Variants in ARID1B observed in about 807,000 individuals in gnomAD.
ARID1B encodes AT-rich interaction domain 1B.
Under a neutral mutation model 212.3 loss-of-function variants are expected in ARID1B, and 30 were observed. That is an observed-to-expected ratio of 0.14 (90% confidence interval 0.11 to 0.19). ARID1B has a LOEUF of 0.19. ARID1B is among the 10% of genes least tolerant of loss of function. The pLI, the probability that ARID1B is intolerant of heterozygous loss-of-function variation, is 1.00. For missense variants in ARID1B, 2,891 were observed against 3,204.0 expected (o/e 0.90, Z 2.36); for synonymous variants, 1,402 against 1,301.7 (o/e 1.08, Z -1.66).
chr6:157,202,953 G>C (rs558202238), intron 18 of ARID1B, among the ~76,000 whole-genome samples: 1 of 152,130 alleles, frequency 6.6e-6, no homozygotes, highest in South Asian at 2.1e-4. Flanking sequence ...CCCAGTGCGG[G>C]TTATATAGCA....
intron 7 of ARID1B, among the ~76,000 whole-genome samples, chr6:157,143,099 A>C (rs897055057): frequency 6.6e-6 from 1 of 152,156 alleles, no homozygotes; most frequent in African/African-American, 2.4e-5. Context: ...TGGTGCTTGA[A>C]TGGAACTCCT....
chr6:157,173,864 C>A (rs1377284594), intron 9 of ARID1B, 144 bp from the exon 10 acceptor site: 3 of 617,922 alleles, frequency 4.9e-6, no homozygotes, highest in Non-Finnish European at 8.2e-6. Flanking sequence ...AATTAATATG[C>A]TCCCCATTAC....
chr6:157,083,356 G>A (rs6902167), intron 4 of ARID1B, among the ~76,000 whole-genome samples: 126,936 of 152,190 alleles, frequency 0.83, 53,031 homozygotes, highest in Middle Eastern at 0.92. Flanking sequence ...TTGAGAACTC[G>A]TTGGCACATT....
chr6:157,019,311 G>C (rs967696782), intron 4 of ARID1B, among the ~76,000 whole-genome samples: 7 of 152,142 alleles, frequency 4.6e-5, no homozygotes, highest in African/African-American at 1.7e-4. Context: ...GGGAATGGAG[G>C]CTAGTCTGTA....
rs1473297502 is a variant in ARID1B, at chr6:156,777,745, G to T, written c.65G>T (p.Ser22Ile). The T allele has an allele frequency of 5.5e-5, 20 of 366,424 alleles. No homozygotes were observed. The highest frequency in any genetic ancestry group is 7.4e-5 in the Non-Finnish European group (20 of 269,072). 22.7% of individuals were successfully genotyped at this position (366,424 alleles called of 1,614,324 possible). A position where few individuals can be genotyped will look rare whatever the true frequency, so the allele number is the denominator to read the frequency against. The change falls in exon 1 of 20, where the codon AGC becomes ATC. Residue 22 changes from serine to isoleucine, a missense_variant. This residue lies in a region of ARID1B where 1,643 missense variants were observed against 1,544.0 expected (regional missense o/e 1.06). Transcript: ENST00000636930. ...GCGCGGGCGCGGGCGCGGGCAGGCA[G>T]CGGCGAACGGCGGGCGCCCCCCGGG... ...AAARARARAG[S>I]GERRAPPGPR... is the part of the protein sequence containing the mutation.
rs1472058222 is a variant in ARID1B, at chr6:156,779,452, C to A, written c.1772C>A (p.Pro591Gln). ...GCGATGAGCCCCGGCACCCCCGGAC[C>A]GACCATGGGCAGATCCCAGGTAACC... is the stretch of plus-strand genomic sequence containing the variant. ...HPAMSPGTPG[P>Q]TMGRSQGSPM... Residue 591 changes from proline to glutamine, a missense_variant, in exon 1 of 20, where the codon CCG becomes CAG. Pro to Gln is a moderately conservative substitution (Grantham distance 76). Coordinates refer to ENST00000636930, the MANE Select transcript of ARID1B (RefSeq NM_001374828.1). 26 of 1,431,036 alleles carry A rather than the reference C, an allele frequency of 1.8e-5. No homozygotes were observed. The highest frequency in any genetic ancestry group is 2.3e-5 in the Non-Finnish European group (25 of 1,086,486). The allele number at this position is 1,431,036 out of a possible 1,614,324, so 88.6% of individuals were successfully genotyped here. A position where few individuals can be genotyped will look rare whatever the true frequency, so the allele number is the denominator to read the frequency against.
Position 156,778,894 on chromosome 6 carries a change from GAGGAGGAGGAGGAGGAGGAGCAGGAGC to G in ARID1B, c.1223_1249del (p.Gly408_Gly416del). ...GGCGGAGGAGGAGGAGGCAGCGGAGGAGGAGGAGGAGGAGGAGGAGCAGGAGCAGGAGGAGCAGGAGCGGGAGCTGTG... is the reference window on the plus strand; with the variant it reads ...GGCGGAGGAGGAGGAGGCAGCGGAGGAGGAGGAGCAGGAGCGGGAGCTGTG... On this transcript the variant is annotated inframe_deletion, in exon 1 of 20. Transcript: ENST00000636930. The G allele has an allele frequency of 7.4e-7, 1 of 1,357,402 alleles. No individual in the cohort carries two copies. The highest frequency in any genetic ancestry group is 9.5e-7 in the Non-Finnish European group (1 of 1,056,196). The allele number at this position is 1,357,402 out of a possible 1,614,324, so 84.1% of individuals were successfully genotyped here.
At chr6:156,877,082 T>C (rs1786623790) in intron 2 of ARID1B, among the ~76,000 whole-genome samples, 1 of 150,312 alleles carries the variant, frequency 6.7e-6, no homozygotes, top group Non-Finnish European at 1.5e-5. Flanking sequence ...CAATATACTC[T>C]CAAAGGTTCT....
intron 4 of ARID1B, 79 bp downstream of exon 4, chr6:156,935,655 C>A: frequency 7.9e-7 from 1 of 1,259,284 alleles, no homozygotes; most frequent in Non-Finnish European, 1.1e-6. Context: ...GTTTGTTCTA[C>A]TTTATATTAT....
intron 1 of ARID1B, among the ~76,000 whole-genome samples, chr6:156,807,164 C>G (rs79008705): frequency 2.8e-5 from 4 of 144,122 alleles, no homozygotes; most frequent in Non-Finnish European, 6.1e-5. Flanking sequence ...CCCAGTGAAG[C>G]ATCTTTGTTT....
At chr6:156,900,160 G>A (rs34369654) in intron 2 of ARID1B, among the ~76,000 whole-genome samples, 6 of 152,194 alleles carry the variant, frequency 3.9e-5, no homozygotes, top group Non-Finnish European at 8.8e-5. Flanking sequence ...CAACAACTTA[G>A]GCTCTGTGTG....
intron 4 of ARID1B, among the ~76,000 whole-genome samples, chr6:157,061,159 A>G (rs909899138): frequency 3.3e-5 from 5 of 152,282 alleles, no homozygotes; most frequent in African/African-American, 9.6e-5. Flanking sequence ...TAATTGTAAT[A>G]TATCCTATTT....
chr6:157,132,523 C>G (rs1300908307), intron 6 of ARID1B, among the ~76,000 whole-genome samples: 3 of 152,146 alleles, frequency 2.0e-5, no homozygotes, highest in Non-Finnish European at 4.4e-5. Flanking sequence ...TGCTTGAGGA[C>G]ACCAGAGGGG....
In ARID1B at chr6:156,990,173, C is replaced by CTT. The variant is rs11156127; in HGVS notation, c.2247+54615_2247+54616dup. 3.7e-3 allele frequency among the ~76,000 whole-genome samples: 492 copies of CTT among 134,788 alleles called. 7 individuals carry two copies. The highest frequency in any genetic ancestry group is 5.0e-3 in the Non-Finnish European group (318 of 63,592). The allele number at this position is 134,788 out of a possible 152,430, so 88.4% of individuals were successfully genotyped here. ...CTGGTTACAGAACAGATTTCCTTAA[C>CTT]TTTTTTTTTTTTTTTTTTTAAAGAG... On this transcript the variant is annotated intron_variant, in intron 4 of 19. Transcript: ENST00000636930.
rs1329466460 is a variant in ARID1B, at chr6:157,200,640, A to G, written c.4480-65A>G. 3.3e-6 allele frequency: 5 copies of G among 1,506,278 alleles called. No homozygotes were observed. In the African/African-American group the frequency reaches 7.0e-5, roughly 21 times the overall value. 93.3% of individuals were successfully genotyped at this position (1,506,278 alleles called of 1,614,324 possible). ...CTAGCAGGTAATAACTATTTTGCAT[A>G]ATTTCAGTGTGTGATTATACCTGTA... On this transcript the variant is annotated intron_variant, in intron 17 of 19. Coordinates refer to ENST00000636930, the MANE Select transcript of ARID1B (RefSeq NM_001374828.1). This position sits in a 1 kb window ranked among gnomAD's most constrained non-coding sequence, Gnocchi z 4.3.
intron 3 of ARID1B, among the ~76,000 whole-genome samples, chr6:156,928,029 A>C (rs1791369141): frequency 6.6e-6 from 1 of 151,966 alleles, no homozygotes; most frequent in African/African-American, 2.4e-5. Context: ...AGGAGGAGGA[A>C]GGGCATCCAC....
At chr6:156,966,086 A>G (rs964786908) in intron 4 of ARID1B, among the ~76,000 whole-genome samples, 1 of 152,186 alleles carries the variant, frequency 6.6e-6, no homozygotes, top group African/African-American at 2.4e-5. Flanking sequence ...TTTCTTTTCA[A>G]TAAGTGGGAC....
intron 4 of ARID1B, among the ~76,000 whole-genome samples, chr6:157,033,117 G>A (rs540164012): frequency 1.3e-5 from 2 of 152,212 alleles, no homozygotes; most frequent in Admixed American, 1.3e-4. Context: ...GTTAATACTT[G>A]CGTAATCATA....
In ARID1B at chr6:156,779,116, G is replaced by T; in HGVS notation, c.1436G>T (p.Gly479Val). ...GAASLSKAAA[G>V]SAAGGFQRFA... ...GCGAGCCTCAGCAAGGCGGCCGCCG[G>T]CTCGGCGGCGGGGGGCTTCCAGCGC... The change falls in exon 1 of 20, where the codon GGC becomes GTC. Residue 479 changes from glycine (G) to valine (V), a missense_variant. By Grantham distance (109) the Gly-to-Val change is moderately radical (BLOSUM62 -3). This residue lies in a region of ARID1B where 1,643 missense variants were observed against 1,544.0 expected (regional missense o/e 1.06). Transcript: ENST00000636930. 1 of 1,237,256 alleles carries T rather than the reference G, an allele frequency of 8.1e-7. No homozygotes were observed. 76.6% of individuals were successfully genotyped at this position (1,237,256 alleles called of 1,614,324 possible). A position where few individuals can be genotyped will look rare whatever the true frequency, so the allele number is the denominator to read the frequency against.
Sources: gnomAD v4.1 joint callset for allele counts (sites outside exome capture counted in the v4.1 genomes callset) on GRCh38, gnomAD v4.1.1 for gene constraint, gnomAD v4.1.1 regional missense constraint, Gnocchi (gnomAD v3.1) non-coding constraint, MANE v1.5 for transcripts, NCBI Gene and HGNC (gene_info 2026-07-23, HGNC 2026-07-21) for gene names.